GRK5: variants seen among roughly 807,000 people sequenced by gnomAD.
GRK5 encodes G protein-coupled receptor kinase 5.
GRK5 carries 40 observed loss-of-function variants against 78.4 expected under a neutral mutation model. The ratio of observed to expected loss-of-function variants is 0.51; its 90% CI spans 0.40 to 0.66. The LOEUF (loss-of-function observed/expected upper bound fraction) is 0.66. Ranked by LOEUF, GRK5 falls within the 30% of genes least tolerant of loss-of-function variation. The pLI is 0.00. For synonymous variants in GRK5, 289 were observed against 296.8 expected (o/e 0.97, Z 0.27); for missense variants, 598 against 759.9 (o/e 0.79, Z 2.50).
intron 2 of GRK5, among the ~76,000 whole-genome samples, chr10:119,371,657 C>T (rs968431061): frequency 3.3e-5 from 5 of 152,158 alleles, no homozygotes; most frequent in Admixed American, 6.5e-5. Context: ...AGCTCAGGGC[C>T]GAAGGGCTCG....
chr10:119,394,957 A>C (rs1852019515), intron 3 of GRK5, among the ~76,000 whole-genome samples: 1 of 151,050 alleles, frequency 6.6e-6, no homozygotes, highest in South Asian at 2.1e-4. Context: ...TCAGGAATTC[A>C]TCTCTCGAGT....
intron 1 of GRK5, among the ~76,000 whole-genome samples, chr10:119,290,732 G>C (rs1018385065): frequency 3.3e-5 from 5 of 151,818 alleles, no homozygotes; most frequent in African/African-American, 1.2e-4. Context: ...CCACCTCCGG[G>C]GAGCCTTCTA....
At chr10:119,395,491 T>C (rs1852033292) in intron 3 of GRK5, among the ~76,000 whole-genome samples, 1 of 152,204 alleles carries the variant, frequency 6.6e-6, no homozygotes, top group South Asian at 2.1e-4. Flanking sequence ...GCTGGTGTCA[T>C]TTCCTTCCTC....
At chr10:119,265,925 G>A (rs1182736587) in intron 1 of GRK5, among the ~76,000 whole-genome samples, 1 of 152,186 alleles carries the variant, frequency 6.6e-6, no homozygotes, top group Non-Finnish European at 1.5e-5. Flanking sequence ...TGGGATCTGC[G>A]TTGGGTCCTG....
chr10:119,207,817 C>A lies in GRK5; in HGVS notation c.-101C>A. 8.6e-7 allele frequency: 1 copy of A among 1,158,574 alleles called. No homozygotes were observed. The highest frequency in any genetic ancestry group is 1.2e-6 in the Non-Finnish European group (1 of 826,282). 71.8% of individuals were successfully genotyped at this position (1,158,574 alleles called of 1,614,324 possible). A position where few individuals can be genotyped will look rare whatever the true frequency, so the allele number is the denominator to read the frequency against. On this transcript the variant is annotated 5_prime_UTR_variant, in exon 1 of 16. Coordinates refer to ENST00000392870, the MANE Select transcript of GRK5 (RefSeq NM_005308.3). Reference sequence around the variant, plus strand: ...GGCGGGCTGCTGGCTCCCCCGGCTCCGGCAGCAGCGGCGGCAGCCCGAGCA... The same window carrying A: ...GGCGGGCTGCTGGCTCCCCCGGCTCAGGCAGCAGCGGCGGCAGCCCGAGCA...
chr10:119,296,904 G>A (rs1850091378), intron 1 of GRK5, among the ~76,000 whole-genome samples: 1 of 152,250 alleles, frequency 6.6e-6, no homozygotes, highest in Admixed American at 6.5e-5. Context: ...CTCTTGTGCA[G>A]AAAGACATAC....
chr10:119,337,811 C>T (rs750028580), intron 2 of GRK5, among the ~76,000 whole-genome samples: 7 of 152,114 alleles, frequency 4.6e-5, no homozygotes, highest in Middle Eastern at 3.4e-3. Flanking sequence ...TTAGTAGAGA[C>T]GGGGTTTCAC....
At chr10:119,287,047 G>GGGAAGGGAGGGAGGAAAGAA (rs1849858446) in intron 1 of GRK5, among the ~76,000 whole-genome samples, 1 of 151,372 alleles carries the variant, frequency 6.6e-6, no homozygotes, top group South Asian at 2.1e-4. Flanking sequence ...AAGAATAGGA[G>GGGAAGGGAGGGAGGAAAGAA]GGAAGGGAGG....
intron 3 of GRK5, among the ~76,000 whole-genome samples, chr10:119,394,069 C>T (rs1360804503): frequency 1.7e-5 from 2 of 115,412 alleles, no homozygotes; most frequent in Non-Finnish European, 3.6e-5. Flanking sequence ...GTGTGTGTGT[C>T]TGTGGGTGTG....
chr10:119,267,317 A>C lies in GRK5; in HGVS notation c.53-59199A>C, dbSNP rs1849514772. On this transcript the variant is annotated intron_variant, in intron 1 of 15. Transcript: ENST00000392870. This position sits in a 1 kb window ranked among gnomAD's most constrained non-coding sequence, Gnocchi z 4.1. ...AGGCTGGTCTCAAACTCCCTGCTTT[A>C]AGCGATCTTCCCACCTTGGCCTCCC... Among the ~76,000 whole-genome samples the C allele has an allele frequency of 6.6e-6, 1 of 152,094 alleles. No homozygotes were observed. Among genetic ancestry groups the C allele is most frequent in the Admixed American group, 6.5e-5 (1 of 15,272 alleles).
intron 1 of GRK5, among the ~76,000 whole-genome samples, chr10:119,263,782 C>T (rs1236515418): frequency 2.6e-5 from 4 of 151,880 alleles, no homozygotes; most frequent in African/African-American, 4.8e-5. Flanking sequence ...AAAAATTAGC[C>T]GGGCGTGGTG....
chr10:119,275,832 A>G (rs920848245), intron 1 of GRK5, among the ~76,000 whole-genome samples: 1 of 152,180 alleles, frequency 6.6e-6, no homozygotes, highest in Non-Finnish European at 1.5e-5. Context: ...AATGAGTGTT[A>G]TGCGCTTAGT....
rs1851663201 is a variant in GRK5, at chr10:119,378,614, G to T, written c.149-2201G>T. Among the ~76,000 whole-genome samples, 3 of 152,258 alleles carry T rather than the reference G, an allele frequency of 2.0e-5. No individual in the cohort carries two copies. On this transcript the variant is annotated intron_variant, in intron 2 of 15. Coordinates refer to ENST00000392870, the MANE Select transcript of GRK5 (RefSeq NM_005308.3). This position sits in a 1 kb window ranked among gnomAD's most constrained non-coding sequence, Gnocchi z 4.5. ...TCCCCGTGTGGTGAATAAATGCCCGGGAGGGCGGGCTGCCTTCAGGGCTCC... is the reference window on the plus strand; with the variant it reads ...TCCCCGTGTGGTGAATAAATGCCCGTGAGGGCGGGCTGCCTTCAGGGCTCC...
chr10:119,266,750 G>A (rs1849504027), intron 1 of GRK5, among the ~76,000 whole-genome samples: 2 of 140,974 alleles, frequency 1.4e-5, no homozygotes, highest in Non-Finnish European at 3.1e-5. Flanking sequence ...CATTTGCTGG[G>A]GTTGGGTGGG....
chr10:119,298,265 C>T (rs1336825773), intron 1 of GRK5, among the ~76,000 whole-genome samples: 2 of 152,136 alleles, frequency 1.3e-5, no homozygotes, highest in Non-Finnish European at 2.9e-5. Flanking sequence ...ATTCCAAGTG[C>T]CTAATAAGGC....
chr10:119,290,303 T>G (rs1849927848), intron 1 of GRK5, among the ~76,000 whole-genome samples: 1 of 134,650 alleles, frequency 7.4e-6, no homozygotes, highest in African/African-American at 2.8e-5. Flanking sequence ...GCTGAGATCA[T>G]GCCGCTGCAT....
intron 2 of GRK5, among the ~76,000 whole-genome samples, chr10:119,363,212 C>G (rs559247167): frequency 5.3e-5 from 8 of 150,790 alleles, no homozygotes; most frequent in African/African-American, 1.9e-4. Context: ...ACCCAGGAAG[C>G]AGAGGTTGCG....
chr10:119,439,182 A>C (rs969630597), intron 9 of GRK5, among the ~76,000 whole-genome samples: 33 of 152,380 alleles, frequency 2.2e-4, no homozygotes, highest in Admixed American at 3.9e-4. Context: ...GACATTAGGG[A>C]CAGGATAAGG....
intron 1 of GRK5, among the ~76,000 whole-genome samples, chr10:119,315,495 G>C (rs887081185): frequency 7.9e-5 from 12 of 152,152 alleles, no homozygotes; most frequent in African/African-American, 2.9e-4. Flanking sequence ...AGGAACAGGA[G>C]GCAGTAGACA....
Sources: allele counts gnomAD v4.1 joint callset (sites outside exome capture counted in the v4.1 genomes callset), GRCh38; gene constraint gnomAD v4.1.1; non-coding constraint Gnocchi (gnomAD v3.1); transcripts MANE v1.5; gene names NCBI Gene and HGNC (gene_info 2026-07-23, HGNC 2026-07-21).